The following ARSF variants were observed in gnomAD, a reference collection of about 807,000 sequenced individuals.
The protein encoded by ARSF is arylsulfatase F.
ARSF carries 33 observed loss-of-function variants against 35.4 expected under a neutral mutation model. That is an observed-to-expected ratio of 0.93 (90% CI 0.71 to 1.25). ARSF has a LOEUF of 1.25. Among genes scored for constraint, ARSF ranks in the 50% most tolerant of loss-of-function variants. The pLI, the probability that ARSF is intolerant of heterozygous loss-of-function variation, is 0.00. For missense variants in ARSF, 501 were observed against 480.2 expected, an observed-to-expected ratio of 1.04 and a Z score of -0.40; for synonymous variants, 222 against 193.1, an observed-to-expected ratio of 1.15 and a Z score of -1.24.
intron 1 of ARSF, among the ~76,000 whole-genome samples, chrX:3,046,105 C>T (rs1314798830): frequency 2.7e-5 from 3 of 111,089 alleles, no homozygotes; most frequent in Admixed American, 1.9e-4. Context: ...AGGCTGGTCT[C>T]GAACTCCTAA....
At chrX:3,107,807 G>T (rs940642237) in intron 9 of ARSF, among the ~76,000 whole-genome samples, 2 of 111,379 alleles carry the variant, frequency 1.8e-5, no homozygotes, top group African/African-American at 6.5e-5. Flanking sequence ...AAAAGCAGAA[G>T]TTTTACATTT....
At chrX:3,093,045 A>G (rs1439617462) in intron 7 of ARSF, among the ~76,000 whole-genome samples, 4 of 109,400 alleles carry the variant, frequency 3.7e-5, no homozygotes, top group East Asian at 2.8e-4. Flanking sequence ...GGGCGTCTGT[A>G]GTCCCAGCTA....
chrX:3,104,106 T>C (rs941886591), intron 9 of ARSF, among the ~76,000 whole-genome samples, 182 bp downstream of exon 9: 2 of 111,857 alleles, frequency 1.8e-5, no homozygotes, highest in Non-Finnish European at 3.8e-5. Flanking sequence ...GTCTTTTCTT[T>C]TTTTCTATTG....
chrX:3,091,040 A>G (rs2090285569), intron 7 of ARSF, among the ~76,000 whole-genome samples: 1 of 41,440 alleles, frequency 2.4e-5, no homozygotes, highest in Admixed American at 2.5e-4. Context: ...CCTCCTGAGT[A>G]GCTGGGGCTA....
chrX:3,061,292 C>T (rs2090040549), intron 1 of ARSF, among the ~76,000 whole-genome samples: 1 of 111,321 alleles, frequency 9.0e-6, no homozygotes, highest in South Asian at 3.8e-4. Context: ...TACGAGAGCT[C>T]CTGGAGGAAG....
At chrX:3,102,323 TC>T (rs774616574) in intron 8 of ARSF, among the ~76,000 whole-genome samples, 1 of 112,063 alleles carries the variant, frequency 8.9e-6, no homozygotes, top group African/African-American at 3.2e-5. Flanking sequence ...ATTATATGAT[TC>T]TTATGCCTTT....
chrX:3,054,180 A>G (rs1176657707), intron 1 of ARSF, among the ~76,000 whole-genome samples: 2 of 111,553 alleles, frequency 1.8e-5, no homozygotes, highest in East Asian at 5.6e-4. Flanking sequence ...GTGTATTGAT[A>G]TTGAAACACA....
At chrX:3,110,891 C>T (rs980430101) in intron 10 of ARSF, among the ~76,000 whole-genome samples, 1 of 111,935 alleles carries the variant, frequency 8.9e-6, no homozygotes, top group African/African-American at 3.2e-5. Context: ...GAGTGAGACT[C>T]CATCTCAAAC....
chrX:3,051,548 C>T (rs1438739133), intron 1 of ARSF, among the ~76,000 whole-genome samples: 1 of 111,559 alleles, frequency 9.0e-6, no homozygotes, highest in East Asian at 2.8e-4. Flanking sequence ...AGATAATATA[C>T]AAGGAGGGAG....
In ARSF at chrX:3,089,591, G is replaced by T; in HGVS notation, c.926G>T (p.Gly309Val). Residue 309 changes from glycine (G) to valine (V), a missense_variant, in exon 7 of 11, where the codon GGC (glycine) becomes GTC (valine). By Grantham distance (109) the Gly-to-Val change is moderately radical (BLOSUM62 -3). Transcript: ENST00000381127. ...GATTTCACTGGCACCAGCAAGCATG[G>T]CTTGTATGGGGATAATGTGGAAGAG... is the stretch of plus-strand genomic sequence containing the variant. Reference protein sequence around the residue: ...TDDFTGTSKHGLYGDNVEEMD... With the variant: ...TDDFTGTSKHVLYGDNVEEMD... The T allele has an allele frequency of 8.3e-7, 1 of 1,211,370 alleles. No individual in the cohort carries two copies.
intron 9 of ARSF, among the ~76,000 whole-genome samples, chrX:3,106,844 A>G (rs978505436): frequency 8.9e-6 from 1 of 111,997 alleles, no homozygotes; most frequent in African/African-American, 3.2e-5. Context: ...GTGTTGGGAA[A>G]AAATGACTTA....
At chrX:3,069,796 A>G (rs1431117548) in intron 2 of ARSF, among the ~76,000 whole-genome samples, 2 of 107,692 alleles carry the variant, frequency 1.9e-5, no homozygotes, top group South Asian at 4.0e-4. Flanking sequence ...TAAACATTGC[A>G]TAGATTTATG....
intron 1 of ARSF, among the ~76,000 whole-genome samples, chrX:3,050,312 G>A (rs1350885652): frequency 9.1e-6 from 1 of 110,169 alleles, no homozygotes; most frequent in East Asian, 2.9e-4. Flanking sequence ...GGGAGGCCAA[G>A]GCAGGCGGAT....
intron 7 of ARSF, among the ~76,000 whole-genome samples, chrX:3,099,416 G>T (rs927553477): frequency 8.1e-5 from 9 of 111,167 alleles, no homozygotes; most frequent in Non-Finnish European, 3.8e-5. Context: ...CTCTGATCTG[G>T]ACAAAGACTG....
chrX:3,046,620 C>G (rs146704391), intron 1 of ARSF, among the ~76,000 whole-genome samples: 51 of 111,580 alleles, frequency 4.6e-4, no homozygotes, highest in African/African-American at 1.5e-3. Flanking sequence ...ACTATTCAAT[C>G]CCTTGCTTAC....
At chrX:3,098,458 G>C (rs748191918) in intron 7 of ARSF, among the ~76,000 whole-genome samples, 5 of 111,100 alleles carry the variant, frequency 4.5e-5, no homozygotes, top group African/African-American at 1.3e-4. Flanking sequence ...CACATGTTGT[G>C]GGGGGGACCT....
chrX:3,058,616 G>A, intron 1 of ARSF: 1 of 327,203 alleles, frequency 3.1e-6, no homozygotes, highest in Non-Finnish European at 5.9e-6. Flanking sequence ...GCTTCATGAG[G>A]CCAAGGCAGG....
chrX:3,112,663 G>A lies in ARSF; in HGVS notation c.*107G>A. 3 of 1,030,617 alleles carry A rather than the reference G, an allele frequency of 2.9e-6. No individual in the cohort carries two copies. The South Asian group carries it at 8.2e-5, about 28-fold the overall frequency. The allele number at this position is 1,030,617 out of a possible 1,213,427, so 84.9% of individuals were successfully genotyped here. A position where few individuals can be genotyped will look rare whatever the true frequency, so the allele number is the denominator to read the frequency against. On this transcript the variant is annotated 3_prime_UTR_variant, in exon 11 of 11. Transcript: ENST00000381127. Reference sequence around the variant, plus strand: ...TTTGGTGCTTTCAAGTTGGCAAGGAGTGCATTTAATAGTCAATAAATTCAT... The same window carrying A: ...TTTGGTGCTTTCAAGTTGGCAAGGAATGCATTTAATAGTCAATAAATTCAT...
intron 8 of ARSF, among the ~76,000 whole-genome samples, chrX:3,102,826 G>C (rs185352223): frequency 0.29 from 31,611 of 108,870 alleles, 3,812 homozygotes; most frequent in African/African-American, 0.44. Context: ...GCAGGAGAAT[G>C]GCGTGAACCC....
Sources: allele counts gnomAD v4.1 joint callset (sites outside exome capture counted in the v4.1 genomes callset), GRCh38; gene constraint gnomAD v4.1.1; transcripts MANE v1.5; gene names NCBI Gene and HGNC (gene_info 2026-07-23, HGNC 2026-07-21).